The following WDR33 variants were observed in gnomAD, a reference collection of about 807,000 sequenced individuals.
The protein encoded by WDR33 is WD repeat domain 33.
A neutral mutation model predicts 164.9 loss-of-function variants in WDR33; 47 were observed. That is an observed-to-expected ratio of 0.29 (90% CI 0.23 to 0.36). The LOEUF (loss-of-function observed/expected upper bound fraction) is 0.36. WDR33 is among the 10% of genes least tolerant of loss of function. WDR33 has a pLI of 1.00. For missense variants in WDR33, 1,137 were observed against 1,754.1 expected, an observed-to-expected ratio of 0.65 and a Z score of 6.28; for synonymous variants, 505 against 589.0, an observed-to-expected ratio of 0.86 and a Z score of 2.06.
chr2:127,795,444 T>C (rs1689006170), intron 1 of WDR33, among the ~76,000 whole-genome samples: 1 of 151,708 alleles, frequency 6.6e-6, no homozygotes, highest in Non-Finnish European at 1.5e-5. Flanking sequence ...CCCTGATGGG[T>C]CCCAATCTCT....
intron 7 of WDR33, 62 bp downstream of exon 7, chr2:127,763,000 T>A (rs1476617020): frequency 9.3e-6 from 15 of 1,610,062 alleles, no homozygotes; most frequent in Non-Finnish European, 1.1e-5. Flanking sequence ...GGTTTTGTGA[T>A]GATTTAACCA....
At chr2:127,759,863 A>C (rs1001769386) in intron 7 of WDR33, among the ~76,000 whole-genome samples, 14 of 152,198 alleles carry the variant, frequency 9.2e-5, no homozygotes, top group Non-Finnish European at 4.4e-5. Flanking sequence ...CAACACAGGG[A>C]GAGCCTGACT....
rs143843570 is a variant in WDR33 at position 127,773,858 on chromosome 2, C to T, written c.-23-2854G>A. 1.9e-3 allele frequency among the ~76,000 whole-genome samples: 283 copies of T among 151,712 alleles called. 1 individual carries two copies. Among genetic ancestry groups the T allele is most frequent in the African/African-American group, 6.5e-3 (270 of 41,352 alleles). On this transcript the variant is annotated intron_variant, in intron 1 of 21. Coordinates refer to ENST00000322313, the MANE Select transcript of WDR33 (RefSeq NM_018383.5). ...GGCTCACTGCAATCTCTGCCTCCCACGCTTAAGCAACCCTCCCACCTCAGC... is the reference window on the plus strand; with the variant it reads ...GGCTCACTGCAATCTCTGCCTCCCATGCTTAAGCAACCCTCCCACCTCAGC...
intron 7 of WDR33, among the ~76,000 whole-genome samples, chr2:127,756,377 TG>T (rs962207976): frequency 1.4e-5 from 2 of 146,212 alleles, no homozygotes; most frequent in East Asian, 3.9e-4. Flanking sequence ...AAAATTACTA[TG>T]AAAAAAAAAA....
At chr2:127,711,780 A>ATTT (rs1158780905) in intron 18 of WDR33, among the ~76,000 whole-genome samples, 4 of 88,308 alleles carry the variant, frequency 4.5e-5, no homozygotes, top group African/African-American at 1.3e-4. Context: ...ATATATATAT[A>ATTT]TTTTTTTTTT....
intron 7 of WDR33, among the ~76,000 whole-genome samples, chr2:127,753,297 A>G (rs1338424947): frequency 6.6e-6 from 1 of 152,254 alleles, no homozygotes; most frequent in Non-Finnish European, 1.5e-5. Flanking sequence ...AAAAACACTA[A>G]AAAATCATGA....
In WDR33 at chr2:127,709,644, A is replaced by C; in HGVS notation, c.3472+49T>G. 1 of 1,613,996 alleles carries C rather than the reference A, an allele frequency of 6.2e-7. No homozygotes were observed. The highest frequency in any genetic ancestry group is 1.3e-5 in the African/African-American group (1 of 75,044). On this transcript the variant is annotated intron_variant, in intron 19 of 21. Coordinates refer to ENST00000322313, the MANE Select transcript of WDR33 (RefSeq NM_018383.5). The surrounding 1 kb of genome is among the most constrained non-coding windows in gnomAD (Gnocchi z 5.0). Reference sequence around the variant, plus strand: ...TTCCTGGTGTATTCACAACCAGTGTATTCTGCACCCTATCCTTCCAGACCA... The same window carrying C: ...TTCCTGGTGTATTCACAACCAGTGTCTTCTGCACCCTATCCTTCCAGACCA...
In WDR33 at chr2:127,719,891, C is replaced by G. The variant is rs1230925272; in HGVS notation, c.2134G>C (p.Gly712Arg). ...QGHMGPQGPP[G>R]PQGHIGPQGP... ...TGGGGGCCTATGTGACCCTGTGGGCCAGGTGGACCCTGAGGACCCATATGA... is the reference window on the plus strand; with the variant it reads ...TGGGGGCCTATGTGACCCTGTGGGCGAGGTGGACCCTGAGGACCCATATGA... The change falls in exon 16 of 22, where the codon GGC becomes CGC. Residue 712 changes from glycine (G) to arginine (R), a missense_variant. Around this residue, in one of 9 missense-constraint regions of WDR33, gnomAD observed 867 missense variants for 1,073.0 expected, o/e 0.81. Coordinates refer to ENST00000322313, the MANE Select transcript of WDR33 (RefSeq NM_018383.5). The surrounding 1 kb of genome is among the most constrained non-coding windows in gnomAD (Gnocchi z 6.5). 1 of 1,613,870 alleles carries G rather than the reference C, an allele frequency of 6.2e-7. No individual in the cohort carries two copies. The highest frequency in any genetic ancestry group is 1.1e-5 in the South Asian group (1 of 91,092).
In WDR33 at chr2:127,716,174, ATC is replaced by A. The variant is rs1450630160; in HGVS notation, c.2869+979_2869+980del. On this transcript the variant is annotated intron_variant, in intron 17 of 21. Transcript: ENST00000322313. This position sits in a 1 kb window ranked among gnomAD's most constrained non-coding sequence, Gnocchi z 4.5. Reference sequence around the variant, plus strand: ...GAAATAAACACTCTCTAGTTCCCTTATCTCTTTCTTACCTCTAATATCACACA... The same window carrying A: ...GAAATAAACACTCTCTAGTTCCCTTATCTTTCTTACCTCTAATATCACACA... Among the ~76,000 whole-genome samples, 2 of 152,212 alleles carry A rather than the reference ATC, an allele frequency of 1.3e-5. No homozygotes were observed.
chr2:127,766,292 T>C, intron 4 of WDR33, among the ~76,000 whole-genome samples: 1 of 152,220 alleles, frequency 6.6e-6, no homozygotes, highest in East Asian at 1.9e-4. Context: ...CAAATACATA[T>C]GTGCTTATAG....
chr2:127,782,482 C>T (rs1001003309), intron 1 of WDR33, among the ~76,000 whole-genome samples: 49 of 152,228 alleles, frequency 3.2e-4, no homozygotes, highest in Non-Finnish European at 1.5e-4. Context: ...AGCTTTCTAG[C>T]GTTCAGGTAC....
In WDR33 at chr2:127,722,058, C is replaced by A; in HGVS notation, c.1519-70G>T. ...TTACAATGATAGAATGAGAAAACCA[C>A]TCTACAATGTCATCTGCTCAATCTA... is the stretch of plus-strand genomic sequence containing the variant. On this transcript the variant is annotated intron_variant, in intron 14 of 21. Coordinates refer to ENST00000322313, the MANE Select transcript of WDR33 (RefSeq NM_018383.5). This position sits in a 1 kb window ranked among gnomAD's most constrained non-coding sequence, Gnocchi z 5.1. The A allele has an allele frequency of 6.5e-7, 1 of 1,538,236 alleles. No individual in the cohort carries two copies. The highest frequency in any genetic ancestry group is 2.0e-4 in the Middle Eastern group (1 of 4,990).
At chr2:127,785,313 T>G (rs1375595588) in intron 1 of WDR33, among the ~76,000 whole-genome samples, 1 of 152,194 alleles carries the variant, frequency 6.6e-6, no homozygotes, top group African/African-American at 2.4e-5. Flanking sequence ...CCAACACTGA[T>G]GCATCATTAT....
At chr2:127,737,334 A>G (rs552084264) in intron 7 of WDR33, 3 of 985,440 alleles carry the variant, frequency 3.0e-6, no homozygotes, top group East Asian at 1.1e-4. Context: ...CCGCTGTAAG[A>G]AAGAGTACTC....
At chr2:127,806,218 T>C (rs1689436439) in intron 1 of WDR33, among the ~76,000 whole-genome samples, 2 of 148,892 alleles carry the variant, frequency 1.3e-5, no homozygotes, top group African/African-American at 4.9e-5. Flanking sequence ...TTCTTTTTTT[T>C]TTTTTTTTTG....
At chr2:127,768,874 G>A in intron 3 of WDR33, 59 bp downstream of exon 3, 2 of 1,333,408 alleles carry the variant, frequency 1.5e-6, no homozygotes, top group Admixed American at 1.8e-5. Context: ...CACAGTGAAG[G>A]CTAAAATATT....
In WDR33 at chr2:127,722,001, G is replaced by A. The variant is rs771746024; in HGVS notation, c.1519-13C>T. On this transcript the variant is annotated splice_polypyrimidine_tract_variant and intron_variant, in intron 14 of 21. Coordinates refer to ENST00000322313, the MANE Select transcript of WDR33 (RefSeq NM_018383.5). This position sits in a 1 kb window ranked among gnomAD's most constrained non-coding sequence, Gnocchi z 5.1. Reference sequence around the variant, plus strand: ...TTTGCATCCAAGCCTTGGGAAAGAAGAGAATATTAAAATGTACGCTAAGTA... The same window carrying A: ...TTTGCATCCAAGCCTTGGGAAAGAAAAGAATATTAAAATGTACGCTAAGTA... 7.5e-6 allele frequency: 12 copies of A among 1,608,394 alleles called. No individual in the cohort carries two copies. The Admixed American group carries it at 2.1e-4, about 28-fold the overall frequency.
At chr2:127,786,589 A>G (rs900374363) in intron 1 of WDR33, among the ~76,000 whole-genome samples, 2 of 152,210 alleles carry the variant, frequency 1.3e-5, no homozygotes, top group African/African-American at 2.4e-5. Context: ...AGGCTACAGC[A>G]TGAGAATTGC....
chr2:127,717,079 C>T lies in WDR33; in HGVS notation c.2869+76G>A. On this transcript the variant is annotated intron_variant, in intron 17 of 21. Coordinates refer to ENST00000322313, the MANE Select transcript of WDR33 (RefSeq NM_018383.5). The surrounding 1 kb of genome is among the most constrained non-coding windows in gnomAD (Gnocchi z 5.6). ...AATGACCAGTCTATCAATGACTGGCCAACAAAATTATTCACTGTAAAATGT... is the reference window on the plus strand; with the variant it reads ...AATGACCAGTCTATCAATGACTGGCTAACAAAATTATTCACTGTAAAATGT... 1 of 1,465,498 alleles carries T rather than the reference C, an allele frequency of 6.8e-7. No individual in the cohort carries two copies. The highest frequency in any genetic ancestry group is 1.2e-5 in the South Asian group (1 of 82,296). 90.8% of individuals were successfully genotyped at this position (1,465,498 alleles called of 1,614,324 possible).
Sources: gnomAD v4.1 joint callset for allele counts (sites outside exome capture counted in the v4.1 genomes callset) on GRCh38, gnomAD v4.1.1 for gene constraint, gnomAD v4.1.1 regional missense constraint, Gnocchi (gnomAD v3.1) non-coding constraint, MANE v1.5 for transcripts, NCBI Gene and HGNC (gene_info 2026-07-23, HGNC 2026-07-21) for gene names.